The following PDE3A variants were observed in gnomAD, a reference collection of about 807,000 sequenced individuals.
PDE3A encodes cGMP-inhibited 3',5'-cyclic phosphodiesterase 3A.
Under a neutral mutation model 98.3 loss-of-function variants are expected in PDE3A, and 43 were observed. The ratio of observed to expected loss-of-function variants is 0.44; its 90% CI spans 0.34 to 0.56. The LOEUF (loss-of-function observed/expected upper bound fraction) is 0.56, where lower values mean the gene tolerates loss of function less well. PDE3A is among the 20% of genes least tolerant of loss of function. PDE3A has a pLI of 0.01. For synonymous variants in PDE3A, 663 were observed against 567.9 expected, an observed-to-expected ratio of 1.17 and a Z score of -2.38; for missense variants, 1,427 against 1,440.7, an observed-to-expected ratio of 0.99 and a Z score of 0.15.
At chr12:20,370,403 T>G (rs912196367) in intron 1 of PDE3A, 159 bp downstream of exon 1, 35 of 471,936 alleles carry the variant, frequency 7.4e-5, no homozygotes, top group African/African-American at 5.9e-4. Context: ...TTTTTTTGTT[T>G]TTTTTGTTTT....
At chr12:20,547,706 T>TC (rs1942093005) in intron 1 of PDE3A, among the ~76,000 whole-genome samples, 1 of 152,088 alleles carries the variant, frequency 6.6e-6, no homozygotes, top group African/African-American at 2.4e-5. Flanking sequence ...GTTACAGTCC[T>TC]CCTTCAGCTT....
intron 2 of PDE3A, among the ~76,000 whole-genome samples, chr12:20,593,547 GAAA>G (rs11346487): frequency 1.4e-5 from 2 of 146,710 alleles, no homozygotes; most frequent in African/African-American, 5.0e-5. Flanking sequence ...GCTTTTTAAG[GAAA>G]AAAAAAAAAA....
chr12:20,673,075 T>C (rs1945533553), intron 15 of PDE3A, among the ~76,000 whole-genome samples: 1 of 151,346 alleles, frequency 6.6e-6, no homozygotes, highest in South Asian at 2.1e-4. Flanking sequence ...AAGACATTTA[T>C]GCAGCCAAAA....
chr12:20,521,713 C>G (rs1402254933), intron 1 of PDE3A, among the ~76,000 whole-genome samples: 1 of 152,100 alleles, frequency 6.6e-6, no homozygotes, highest in African/African-American at 2.4e-5. Context: ...GTGCCGAACC[C>G]TCATTAACCT....
At chr12:20,543,537 CT>C (rs1765773454) in intron 1 of PDE3A, among the ~76,000 whole-genome samples, 2 of 152,010 alleles carry the variant, frequency 1.3e-5, no homozygotes, top group Non-Finnish European at 2.9e-5. Flanking sequence ...GATTTTTCCA[CT>C]GTTAATGCAG....
At chr12:20,437,517 T>G (rs1944797773) in intron 1 of PDE3A, among the ~76,000 whole-genome samples, 1 of 152,172 alleles carries the variant, frequency 6.6e-6, no homozygotes, top group Admixed American at 6.5e-5. Context: ...CTGCTCAGCT[T>G]CTGGGGAGGC....
Position 20,369,809 on chromosome 12 carries a change from G to A in PDE3A, c.525G>A (p.Gln175=). 1 of 1,612,428 alleles carries A rather than the reference G, an allele frequency of 6.2e-7. No homozygotes were observed. Among genetic ancestry groups the A allele is most frequent in the Non-Finnish European group, 8.5e-7 (1 of 1,179,634 alleles). ...GCTGCGGGGGGGAAGCGCTCGTCCA[G>A]ATTGGGCTGGGCGTCGGGGAGGATC... ...AACCGGEALV[Q]IGLGVGEDHL... The change falls in exon 1 of 16, where the codon CAG becomes CAA. Residue 175 remains glutamine, a synonymous_variant. Transcript: ENST00000359062.
intron 1 of PDE3A, among the ~76,000 whole-genome samples, chr12:20,446,317 T>C (rs1944952618): frequency 6.6e-6 from 1 of 152,224 alleles, no homozygotes; most frequent in Admixed American, 6.5e-5. Flanking sequence ...TCATGTATTA[T>C]TGAGTGCCTA....
At chr12:20,379,420 G>A (rs1192170986) in intron 1 of PDE3A, among the ~76,000 whole-genome samples, 1 of 151,740 alleles carries the variant, frequency 6.6e-6, no homozygotes, top group East Asian at 1.9e-4. Flanking sequence ...AAGGGAGAGA[G>A]CCTGCTGAAC....
intron 2 of PDE3A, among the ~76,000 whole-genome samples, chr12:20,558,691 A>AAATAT (rs1555160931): frequency 6.8e-6 from 1 of 147,832 alleles, no homozygotes; most frequent in Non-Finnish European, 1.5e-5. Context: ...CCTGCTGACG[A>AAATAT]AATAATAATA....
intron 2 of PDE3A, among the ~76,000 whole-genome samples, chr12:20,590,621 G>A (rs1026616095): frequency 1.3e-5 from 2 of 149,712 alleles, no homozygotes; most frequent in African/African-American, 4.9e-5. Flanking sequence ...CCAGAAGAAA[G>A]GAAAGAGGAA....
chr12:20,375,824 A>T (rs1428003498), intron 1 of PDE3A, among the ~76,000 whole-genome samples: 2 of 151,952 alleles, frequency 1.3e-5, no homozygotes, highest in Admixed American at 1.3e-4. Flanking sequence ...AAATGCATAT[A>T]ATAACTTGGA....
chr12:20,566,152 C>A (rs1942649335), intron 2 of PDE3A, among the ~76,000 whole-genome samples: 1 of 151,900 alleles, frequency 6.6e-6, no homozygotes, highest in South Asian at 2.1e-4. Flanking sequence ...AATGAAACTT[C>A]TTGTCAGATT....
chr12:20,577,106 T>C (rs2121329291), intron 2 of PDE3A, among the ~76,000 whole-genome samples: 1 of 152,168 alleles, frequency 6.6e-6, no homozygotes, highest in Middle Eastern at 3.4e-3. Context: ...GAATAAAGAC[T>C]ACTCAGATTA....
At chr12:20,612,947 G>GTCTA (rs1008761930) in intron 2 of PDE3A, among the ~76,000 whole-genome samples, 4 of 151,700 alleles carry the variant, frequency 2.6e-5, no homozygotes, top group African/African-American at 9.7e-5. Flanking sequence ...GTTTTTTTGT[G>GTCTA]TCTATCTCGA....
At chr12:20,483,249 CGTG>C in intron 1 of PDE3A, among the ~76,000 whole-genome samples, 1 of 152,116 alleles carries the variant, frequency 6.6e-6, no homozygotes, top group Non-Finnish European at 1.5e-5. Context: ...ATTAGCTGGG[CGTG>C]GTGGTGGGCG....
chr12:20,448,450 A>T (rs1474668090), intron 1 of PDE3A, among the ~76,000 whole-genome samples: 1 of 152,148 alleles, frequency 6.6e-6, no homozygotes, highest in African/African-American at 2.4e-5. Flanking sequence ...TCCAGGGGGA[A>T]ATATTAGTGA....
intron 1 of PDE3A, among the ~76,000 whole-genome samples, chr12:20,530,594 C>T (rs1408572217): frequency 2.6e-5 from 4 of 151,454 alleles, no homozygotes; most frequent in South Asian, 4.2e-4. Context: ...CCACACTCTG[C>T]GTAGCTGGAA....
chr12:20,478,221 AG>A (rs992290364), intron 1 of PDE3A, among the ~76,000 whole-genome samples: 1 of 152,138 alleles, frequency 6.6e-6, no homozygotes, highest in African/African-American at 2.4e-5. Flanking sequence ...TGTCCCATGT[AG>A]GGGAGTCATG....
Sources: allele counts gnomAD v4.1 joint callset (sites outside exome capture counted in the v4.1 genomes callset), GRCh38; gene constraint gnomAD v4.1.1; transcripts MANE v1.5; gene names NCBI Gene and HGNC (gene_info 2026-07-23, HGNC 2026-07-21).